The following MDM2 variants were observed in gnomAD, a reference collection of about 807,000 sequenced individuals.
MDM2 encodes MDM2 proto-oncogene.
A neutral mutation model predicts 64.3 loss-of-function variants in MDM2; 11 were observed. The ratio of observed to expected loss-of-function variants is 0.17; its 90% CI spans 0.11 to 0.28. The LOEUF is 0.28. Among genes scored for constraint, MDM2 ranks in the 10% least tolerant of loss-of-function variants. MDM2 has a pLI of 1.00. For synonymous variants in MDM2, 194 were observed against 192.9 expected, an observed-to-expected ratio of 1.01 and a Z score of -0.05; for missense variants, 388 against 577.1, an observed-to-expected ratio of 0.67 and a Z score of 3.36.
intron 7 of MDM2, among the ~76,000 whole-genome samples, chr12:68,825,788 G>C (rs760558995): frequency 6.6e-6 from 1 of 152,224 alleles, no homozygotes; most frequent in Non-Finnish European, 1.5e-5. Flanking sequence ...GAGAATGTCA[G>C]ATCAGTGAAA....
At chr12:68,823,958 G>A (rs1882086162) in intron 5 of MDM2, among the ~76,000 whole-genome samples, 1 of 152,162 alleles carries the variant, frequency 6.6e-6, no homozygotes, top group African/African-American at 2.4e-5. Context: ...AACAGGAACT[G>A]TTGTTAGTTT....
chr12:68,810,870 T>G (rs1381158552), intron 2 of MDM2, among the ~76,000 whole-genome samples: 1 of 152,014 alleles, frequency 6.6e-6, no homozygotes, highest in East Asian at 1.9e-4. Context: ...TTGTTTTTGT[T>G]TTTGTTTTTT....
rs572822432 is a variant in MDM2, at chr12:68,841,371, G to C, written c.*1522G>C. ...CTTGGCCTCGCAAAGTGCTAAGTAGGATTACAGGCGTTAGCCACCACACCC... is the reference window on the plus strand; with the variant it reads ...CTTGGCCTCGCAAAGTGCTAAGTAGCATTACAGGCGTTAGCCACCACACCC... On this transcript the variant is annotated 3_prime_UTR_variant, in exon 11 of 11. Transcript: ENST00000258149. 1.4e-4 allele frequency: 30 copies of C among 208,546 alleles called. No homozygotes were observed. The South Asian group carries it at 5.5e-3, about 38-fold the overall frequency. 12.9% of individuals were successfully genotyped at this position (208,546 alleles called of 1,614,324 possible).
intron 7 of MDM2, among the ~76,000 whole-genome samples, chr12:68,825,886 A>G (rs903258256): frequency 6.6e-6 from 1 of 152,252 alleles, no homozygotes; most frequent in African/African-American, 2.4e-5. Context: ...TGGAACTAGA[A>G]CAAATGGTAG....
rs1046048212 is a variant in MDM2, at chr12:68,841,172, C to G, written c.*1323C>G. On this transcript the variant is annotated 3_prime_UTR_variant, in exon 11 of 11. Transcript: ENST00000258149. The stretch of plus-strand genomic sequence containing the variant: ...TTTTGATACTCTTAAACCTTCTGAT[C>G]CTTAGTTTCTCTCTCCAAAATACTC... 5.3e-6 allele frequency: 1 copy of G among 190,202 alleles called. No homozygotes were observed. The highest frequency in any genetic ancestry group is 1.1e-5 in the Non-Finnish European group (1 of 91,144). The allele number at this position is 190,202 out of a possible 1,614,324, so 11.8% of individuals were successfully genotyped here.
intron 4 of MDM2, among the ~76,000 whole-genome samples, chr12:68,817,512 G>T (rs1881484329): frequency 6.6e-6 from 1 of 152,082 alleles, no homozygotes; most frequent in South Asian, 2.1e-4. Context: ...CACTTTGAGA[G>T]GCCAAGGCGG....
downstream of MDM2, chr12:68,847,743 G>C (rs1308714214): frequency 6.6e-6 from 1 of 151,754 alleles, no homozygotes; most frequent in Non-Finnish European, 1.5e-5. Context: ...GTGAGCCACC[G>C]CGCCCAGCCG....
At chr12:68,839,104 TAAC>T (rs1883536523) in intron 10 of MDM2, among the ~76,000 whole-genome samples, 167 bp from the exon 11 acceptor site, 1 of 66,278 alleles carries the variant, frequency 1.5e-5, no homozygotes, top group Non-Finnish European at 4.4e-5. Flanking sequence ...AATATATAAC[TAAC>T]TATAGTCCTC....
chr12:68,824,762 G>A, intron 7 of MDM2, 111 bp downstream of exon 7: 1 of 686,902 alleles, frequency 1.5e-6, no homozygotes, highest in Non-Finnish European at 2.4e-6. Flanking sequence ...TGGTTGAGAT[G>A]AATTAACCTC....
downstream of MDM2, chr12:68,847,111 G>A (rs1014814994): frequency 7.1e-6 from 1 of 141,722 alleles, no homozygotes; most frequent in Non-Finnish European, 1.5e-5. Context: ...ACCATGCCTG[G>A]CTAATATATA....
downstream of MDM2, chr12:68,848,929 T>A (rs1364995851): frequency 6.6e-6 from 1 of 152,118 alleles, no homozygotes; most frequent in East Asian, 1.9e-4. Context: ...GCCAGGCTGG[T>A]CTCGAACTCC....
chr12:68,842,554 A>T lies in MDM2; in HGVS notation c.*2705A>T. 2.9e-6 allele frequency: 1 copy of T among 349,830 alleles called. No individual in the cohort carries two copies. Among genetic ancestry groups the T allele is most frequent in the Non-Finnish European group, 5.6e-6 (1 of 178,066 alleles). 21.7% of individuals were successfully genotyped at this position (349,830 alleles called of 1,614,324 possible). A position where few individuals can be genotyped will look rare whatever the true frequency, so the allele number is the denominator to read the frequency against. On this transcript the variant is annotated 3_prime_UTR_variant, in exon 11 of 11. Transcript: ENST00000258149. ...ACAAAACAGATAATATGGATGTTTG[A>T]TCGCATCTCATTGTTAACTCTTTAC...
intron 3 of MDM2, among the ~76,000 whole-genome samples, chr12:68,815,420 C>A (rs1034098783): frequency 4.8e-5 from 7 of 144,542 alleles, no homozygotes; most frequent in Admixed American, 6.8e-5. Flanking sequence ...AGAGCTGGGG[C>A]CAGTTTCTTC....
At position 68,839,878 on chromosome 12, in the gene MDM2, T is replaced by G; in HGVS notation, c.*29T>G. ...ACCTGTCTATAAGAGAATTATATAT[T>G]TCTAACTATATAACCCTAGGAATTT... On this transcript the variant is annotated 3_prime_UTR_variant, in exon 11 of 11. Coordinates refer to ENST00000258149, the MANE Select transcript of MDM2 (RefSeq NM_002392.6). The G allele has an allele frequency of 6.3e-7, 1 of 1,591,500 alleles. No individual in the cohort carries two copies. The highest frequency in any genetic ancestry group is 1.1e-5 in the South Asian group (1 of 88,586).
In MDM2 at chr12:68,841,440, C is replaced by T; in HGVS notation, c.*1591C>T. 4.9e-6 allele frequency: 1 copy of T among 206,040 alleles called. No individual in the cohort carries two copies. Among genetic ancestry groups the T allele is most frequent in the East Asian group, 7.4e-5 (1 of 13,526 alleles). 12.8% of individuals were successfully genotyped at this position (206,040 alleles called of 1,614,324 possible). On this transcript the variant is annotated 3_prime_UTR_variant, in exon 11 of 11. Transcript: ENST00000258149. ...ATTCTCCAGCCTCTTTTGTATAAAC[C>T]ATAGTAAGGGATGGGAGTAATGATG...
At position 68,816,990 on chromosome 12, in the gene MDM2, C is replaced by T. The variant is rs770334560; in HGVS notation, c.308+45C>T. On this transcript the variant is annotated intron_variant, in intron 4 of 10. Transcript: ENST00000258149. ...CATTGTAAAAAGCCATCTGGGCTAA[C>T]ATTTCAGTTCACCTCTACCCTCATT... is the stretch of plus-strand genomic sequence containing the variant. 4 of 1,597,822 alleles carry T rather than the reference C, an allele frequency of 2.5e-6. 1 individual carries two copies. In the South Asian group the frequency reaches 4.6e-5, roughly 18 times the overall value.
At chr12:68,822,360 G>GCCAAGC in intron 5 of MDM2, among the ~76,000 whole-genome samples, 1 of 94,872 alleles carries the variant, frequency 1.1e-5, no homozygotes, top group Non-Finnish European at 2.0e-5. Context: ...GCATTTTATT[G>GCCAAGC]TTTTAAAGCT....
In MDM2 at chr12:68,808,324, C is replaced by T. The variant is rs1592563425; in HGVS notation, c.-154C>T. On this transcript the variant is annotated 5_prime_UTR_variant, in exon 1 of 11. Coordinates refer to ENST00000258149, the MANE Select transcript of MDM2 (RefSeq NM_002392.6). Reference sequence around the variant, plus strand: ...CCTGCTGCTTTCGCAGCCAGGAGCACCGTCCCTCCCCGGATTAGTGCGTAC... The same window carrying T: ...CCTGCTGCTTTCGCAGCCAGGAGCATCGTCCCTCCCCGGATTAGTGCGTAC... 2.1e-6 allele frequency: 2 copies of T among 949,758 alleles called. No individual in the cohort carries two copies. Among genetic ancestry groups the T allele is most frequent in the Middle Eastern group, 3.2e-4 (1 of 3,146 alleles). The allele number at this position is 949,758 out of a possible 1,614,324, so 58.8% of individuals were successfully genotyped here.
At chr12:68,808,691 G>A (rs1880582554) in intron 1 of MDM2, among the ~76,000 whole-genome samples, 200 bp downstream of exon 1, 1 of 151,852 alleles carries the variant, frequency 6.6e-6, no homozygotes. Context: ...CGCCAGGGAG[G>A]AGGGCGGGAT....
Sources: gnomAD v4.1 joint callset for allele counts (sites outside exome capture counted in the v4.1 genomes callset) on GRCh38, gnomAD v4.1.1 for gene constraint, MANE v1.5 for transcripts, NCBI Gene and HGNC (gene_info 2026-07-23, HGNC 2026-07-21) for gene names.